TRIM4: variants seen among roughly 807,000 people sequenced by gnomAD.
The protein encoded by TRIM4 is E3 ubiquitin-protein ligase TRIM4.
In TRIM4, 29 loss-of-function variants were observed where a neutral mutation model predicts 33.7. That is an observed-to-expected ratio of 0.86 (90% CI 0.64 to 1.17). The LOEUF (loss-of-function observed/expected upper bound fraction) is 1.17. Among genes scored for constraint, TRIM4 ranks in the 50% most tolerant of loss-of-function variants. The probability of loss-of-function intolerance (pLI) is 0.00; values close to 1 mark genes in which losing one functional copy is unlikely to be tolerated. For synonymous variants in TRIM4, 224 were observed against 233.0 expected, an observed-to-expected ratio of 0.96 and a Z score of 0.35; for missense variants, 554 against 593.7, an observed-to-expected ratio of 0.93 and a Z score of 0.69.
chr7:99,915,910 TAGA>T (rs2151653666), intron 1 of TRIM4, among the ~76,000 whole-genome samples: 1 of 152,284 alleles, frequency 6.6e-6, no homozygotes, highest in Admixed American at 6.5e-5. Flanking sequence ...GATTAGGGGT[TAGA>T]AGACCTCAGT....
chr7:99,904,239 G>A lies in TRIM4; in HGVS notation c.721-641C>T, dbSNP rs1288315558. On this transcript the variant is annotated intron_variant, in intron 3 of 5. Transcript: ENST00000349062. ...CTAAGTAACATATCAGGTAACCAAT[G>A]GCAACGTGTATTTAAAAAATACAGC... Among the ~76,000 whole-genome samples the A allele has an allele frequency of 3.3e-5, 5 of 152,068 alleles. No homozygotes were observed. In the East Asian group the frequency reaches 9.6e-4, roughly 29 times the overall value.
chr7:99,913,337 G>C, intron 1 of TRIM4, among the ~76,000 whole-genome samples: 1 of 152,108 alleles, frequency 6.6e-6, no homozygotes, highest in East Asian at 1.9e-4. Flanking sequence ...GCAACACCAA[G>C]CATTTCAATC....
At chr7:99,903,899 C>T (rs192401171) in intron 3 of TRIM4, among the ~76,000 whole-genome samples, 1 of 152,312 alleles carries the variant, frequency 6.6e-6, no homozygotes, top group African/African-American at 2.4e-5. Flanking sequence ...CCTTTGCGTG[C>T]CTTTTGGTGG....
At chr7:99,906,295 G>A (rs1819303641) in intron 3 of TRIM4, among the ~76,000 whole-genome samples, 1 of 152,110 alleles carries the variant, frequency 6.6e-6, no homozygotes, top group Non-Finnish European at 1.5e-5. Flanking sequence ...GTAGTTACAT[G>A]AATGGTCACT....
At position 99,890,970 on chromosome 7, in the gene TRIM4, A is replaced by C. The variant is rs879445529; in HGVS notation, c.*1193T>G. 1 of 152,220 alleles carries C rather than the reference A, an allele frequency of 6.6e-6. No homozygotes were observed. The highest frequency in any genetic ancestry group is 1.5e-5 in the Non-Finnish European group (1 of 68,026). The allele number at this position is 152,220 out of a possible 1,614,324, so 9.4% of individuals were successfully genotyped here. ...GAAATGTTAGTAGTGCATAACTTTAATTTTTATACTTTTTGCATCTTACAA... is the reference window on the plus strand; with the variant it reads ...GAAATGTTAGTAGTGCATAACTTTACTTTTTATACTTTTTGCATCTTACAA... On this transcript the variant is annotated 3_prime_UTR_variant, in exon 6 of 6. Transcript: ENST00000349062.
chr7:99,912,850 C>T (rs907107215), intron 1 of TRIM4, among the ~76,000 whole-genome samples: 3 of 152,120 alleles, frequency 2.0e-5, no homozygotes, highest in African/African-American at 7.2e-5. Flanking sequence ...GGCACAATAC[C>T]ATCTGTGCTA....
In TRIM4 at chr7:99,919,289, C is replaced by T; in HGVS notation, c.113G>A (p.Arg38His). 1.9e-6 allele frequency: 3 copies of T among 1,551,786 alleles called. No homozygotes were observed. Among genetic ancestry groups the T allele is most frequent in the Non-Finnish European group, 2.6e-6 (3 of 1,149,108 alleles). ...GHNFCRGCLH[R>H]NWAPGGGPFP... is the part of the protein sequence containing the mutation. ...CGGGCCGCCGCCCGGCGCCCAGTTG[C>T]GGTGCAGGCAGCCGCGGCAGAAGTT... The change falls in exon 1 of 6, where the codon CGC (arginine) becomes CAC (histidine). Residue 38 changes from arginine to histidine, a missense_variant. This residue lies in a region of TRIM4 where 233 missense variants were observed against 203.1 expected (regional missense o/e 1.15). Transcript: ENST00000349062.
At chr7:99,894,218 T>C (rs1361184196) in intron 5 of TRIM4, among the ~76,000 whole-genome samples, 1 of 152,230 alleles carries the variant, frequency 6.6e-6, no homozygotes, top group Non-Finnish European at 1.5e-5. Context: ...TATAATTCTT[T>C]TCTCTTGTGA....
At chr7:99,918,724 C>T (rs908154919) in intron 1 of TRIM4, among the ~76,000 whole-genome samples, 1 of 152,122 alleles carries the variant, frequency 6.6e-6, no homozygotes, top group Non-Finnish European at 1.5e-5. Flanking sequence ...TGGACAGCAG[C>T]GGCACACACC....
intron 1 of TRIM4, among the ~76,000 whole-genome samples, chr7:99,915,075 G>A (rs1167597826): frequency 6.6e-6 from 1 of 152,206 alleles, no homozygotes; most frequent in Non-Finnish European, 1.5e-5. Context: ...CTCCCAAAGT[G>A]CTGGGATTAC....
chr7:99,908,526 A>T, intron 3 of TRIM4, 56 bp downstream of exon 3: 1 of 1,389,472 alleles, frequency 7.2e-7, no homozygotes, highest in African/African-American at 1.4e-5. Flanking sequence ...AGCTCTAAAG[A>T]CAAGAGAGAG....
intron 1 of TRIM4, among the ~76,000 whole-genome samples, chr7:99,915,798 C>T (rs955997343): frequency 6.6e-6 from 1 of 152,190 alleles, no homozygotes; most frequent in Non-Finnish European, 1.5e-5. Context: ...TAACCCTTAC[C>T]CATCCACTCC....
At position 99,919,412 on chromosome 7, in the gene TRIM4, T is replaced by C; in HGVS notation, c.-11A>G. The C allele has an allele frequency of 6.6e-7, 1 of 1,526,102 alleles. No homozygotes were observed. The highest frequency in any genetic ancestry group is 1.2e-5 in the South Asian group (1 of 80,752). 94.5% of individuals were successfully genotyped at this position (1,526,102 alleles called of 1,614,324 possible). On this transcript the variant is annotated 5_prime_UTR_variant, in exon 1 of 6. Coordinates refer to ENST00000349062, the MANE Select transcript of TRIM4 (RefSeq NM_033091.3). Reference sequence around the variant, plus strand: ...GTCCTCAGCTTCCATGCTGCTTCCCTGCCGCGGAGACGGAGTCCGACGTGA... The same window carrying C: ...GTCCTCAGCTTCCATGCTGCTTCCCCGCCGCGGAGACGGAGTCCGACGTGA...
At position 99,919,506 on chromosome 7, in the gene TRIM4, C is replaced by T. The variant is rs1370682503; in HGVS notation, c.-105G>A. The T allele has an allele frequency of 1.6e-6, 2 of 1,267,082 alleles. No homozygotes were observed. The highest frequency in any genetic ancestry group is 1.6e-5 in the African/African-American group (1 of 62,784). 78.5% of individuals were successfully genotyped at this position (1,267,082 alleles called of 1,614,324 possible). A position where few individuals can be genotyped will look rare whatever the true frequency, so the allele number is the denominator to read the frequency against. ...CAGACGACTTCCGAACCGCCGTCAC[C>T]GCCTCACGTAAAAGGGTACAACGCA... On this transcript the variant is annotated 5_prime_UTR_variant, in exon 1 of 6. Coordinates refer to ENST00000349062, the MANE Select transcript of TRIM4 (RefSeq NM_033091.3).
At chr7:99,902,847 C>T (rs544471541) in intron 5 of TRIM4, among the ~76,000 whole-genome samples, 2 of 151,746 alleles carry the variant, frequency 1.3e-5, no homozygotes, top group South Asian at 4.2e-4. Flanking sequence ...TCAAAACTGT[C>T]GCCTCTGCTG....
rs958047748 is a variant in TRIM4 at position 99,913,348 on chromosome 7, T to C, written c.394-3688A>G. On this transcript the variant is annotated intron_variant, in intron 1 of 5. Coordinates refer to ENST00000349062, the MANE Select transcript of TRIM4 (RefSeq NM_033091.3). Reference sequence around the variant, plus strand: ...GAGCGCAACACCAAGCATTTCAATCTGGGTTAGAAATACCAGAAATTTTAA... The same window carrying C: ...GAGCGCAACACCAAGCATTTCAATCCGGGTTAGAAATACCAGAAATTTTAA... Among the ~76,000 whole-genome samples, 7 of 152,198 alleles carry C rather than the reference T, an allele frequency of 4.6e-5. No homozygotes were observed. In the South Asian group the frequency reaches 8.3e-4, roughly 18 times the overall value.
Position 99,919,364 on chromosome 7 carries a change from G to C in TRIM4, c.38C>G (p.Pro13Arg). 1 of 1,577,260 alleles carries C rather than the reference G, an allele frequency of 6.3e-7. No homozygotes were observed. Residue 13 changes from proline to arginine, a missense_variant, in exon 1 of 6, where the codon CCC becomes CGC. Coordinates refer to ENST00000349062, the MANE Select transcript of TRIM4 (RefSeq NM_033091.3). ...AEDIQEELTC[P>R]ICLDYFQDPV... Reference sequence around the variant, plus strand: ...GTCCTGGAAATAGTCCAGGCAGATGGGGCAGGTCAACTCCTCCTGGATGTC... The same window carrying C: ...GTCCTGGAAATAGTCCAGGCAGATGCGGCAGGTCAACTCCTCCTGGATGTC...
At chr7:99,910,605 G>A (rs1240901993) in intron 1 of TRIM4, among the ~76,000 whole-genome samples, 1 of 152,184 alleles carries the variant, frequency 6.6e-6, no homozygotes, top group East Asian at 1.9e-4. Flanking sequence ...GTATGTGAAA[G>A]CAAGGGAAAT....
At position 99,892,242 on chromosome 7, in the gene TRIM4, G is replaced by T; in HGVS notation, c.1346C>A (p.Ser449Tyr). ...GVHLHTFSCS[S>Y]VSRLRPFFWL... ...AAAAAATGGCCGGAGGCGTGAGACAGAAGAACAAGAAAAGGTGTGCAGGTG... is the reference window on the plus strand; with the variant it reads ...AAAAAATGGCCGGAGGCGTGAGACATAAGAACAAGAAAAGGTGTGCAGGTG... Residue 449 changes from serine to tyrosine, a missense_variant, in exon 6 of 6, where the codon TCT becomes TAT. Around this residue, in one of 3 missense-constraint regions of TRIM4, gnomAD observed 290 missense variants for 335.8 expected, o/e 0.86. Coordinates refer to ENST00000349062, the MANE Select transcript of TRIM4 (RefSeq NM_033091.3). 1.2e-6 allele frequency: 2 copies of T among 1,614,192 alleles called. No homozygotes were observed. The highest frequency in any genetic ancestry group is 1.7e-6 in the Non-Finnish European group (2 of 1,180,036).
Sources: allele counts gnomAD v4.1 joint callset (sites outside exome capture counted in the v4.1 genomes callset), GRCh38; gene constraint gnomAD v4.1.1; regional missense constraint gnomAD v4.1.1; transcripts MANE v1.5; gene names NCBI Gene and HGNC (gene_info 2026-07-23, HGNC 2026-07-21).